Variants in RPS6KC1 observed in about 807,000 individuals in gnomAD.
The protein encoded by RPS6KC1 is ribosomal protein S6 kinase C1.
RPS6KC1 carries 54 observed loss-of-function variants against 103.8 expected under a neutral mutation model. The observed-to-expected ratio is 0.52, with a 90% CI of 0.42 to 0.65. The LOEUF is 0.65. RPS6KC1 is among the 30% of genes least tolerant of loss of function. The pLI is 0.00. For synonymous variants in RPS6KC1, 439 were observed against 438.7 expected (o/e 1.00, Z -0.01); for missense variants, 1,151 against 1,253.8 (o/e 0.92, Z 1.24).
chr1:213,436,285 G>T, the RPS6KC1 span, among the ~76,000 whole-genome samples: 10 of 152,172 alleles, frequency 6.6e-5, no homozygotes, highest in Non-Finnish European at 1.2e-4. Context: ...GTGTTCAATA[G>T]CTATATGTGG....
chr1:213,541,677 A>G, the RPS6KC1 span, among the ~76,000 whole-genome samples: 11 of 152,208 alleles, frequency 7.2e-5, no homozygotes, highest in Non-Finnish European at 1.6e-4. Flanking sequence ...ACAGAGCCAA[A>G]TAAGATAAAG....
the RPS6KC1 span, among the ~76,000 whole-genome samples, chr1:213,830,728 G>A: frequency 6.6e-6 from 1 of 150,448 alleles, no homozygotes; most frequent in African/African-American, 2.4e-5. Context: ...TCAGCCTCAC[G>A]GGTCAACCTG....
the RPS6KC1 span, among the ~76,000 whole-genome samples, chr1:213,749,662 C>G: frequency 1.3e-5 from 2 of 152,176 alleles, no homozygotes; most frequent in Non-Finnish European, 2.9e-5. Context: ...TCCCACCTCC[C>G]CCACCTCCCA....
the RPS6KC1 span, among the ~76,000 whole-genome samples, chr1:213,798,207 G>A: frequency 2.6e-5 from 4 of 152,204 alleles, no homozygotes; most frequent in South Asian, 2.1e-4. Context: ...ATAAAAGTAC[G>A]GATGTGCAGC....
intron 8 of RPS6KC1, among the ~76,000 whole-genome samples, chr1:213,196,413 GT>G (rs1485882967): frequency 3.9e-5 from 6 of 151,978 alleles, no homozygotes; most frequent in Non-Finnish European, 8.8e-5. Context: ...TTGCAGATAT[GT>G]TTTCCCCCTC....
chr1:213,363,714 CT>C, the RPS6KC1 span, among the ~76,000 whole-genome samples: 182 of 111,276 alleles, frequency 1.6e-3, 22 homozygotes, highest in African/African-American at 4.6e-3. Context: ...TTCTTTCTTT[CT>C]TTCTTTCTTT....
chr1:213,428,515 TTC>T, the RPS6KC1 span, among the ~76,000 whole-genome samples: 17 of 57,786 alleles, frequency 2.9e-4, no homozygotes, highest in Non-Finnish European at 5.1e-4. Context: ...CCTTCCTTCC[TTC>T]CTCTTTCTCT....
chr1:213,603,511 T>A, the RPS6KC1 span, among the ~76,000 whole-genome samples: 2 of 152,194 alleles, frequency 1.3e-5, no homozygotes, highest in African/African-American at 4.8e-5. Flanking sequence ...ATGTTATACC[T>A]AACATCCAAG....
the RPS6KC1 span, among the ~76,000 whole-genome samples, chr1:213,355,002 A>G: frequency 6.6e-6 from 1 of 152,066 alleles, no homozygotes; most frequent in Non-Finnish European, 1.5e-5. Flanking sequence ...CGGATCACCT[A>G]AGGTCAGGAG....
At chr1:213,347,213 T>A in the RPS6KC1 span, among the ~76,000 whole-genome samples, 596 of 152,260 alleles carry the variant, frequency 3.9e-3, 2 homozygotes, top group African/African-American at 0.014. Context: ...AAACAGGTGG[T>A]GAAAATGAAA....
intron 8 of RPS6KC1, among the ~76,000 whole-genome samples, chr1:213,203,908 C>T (rs1334386120): frequency 6.6e-6 from 1 of 152,178 alleles, no homozygotes; most frequent in Non-Finnish European, 1.5e-5. Context: ...TTCTACCTTT[C>T]CCATCCCGGA....
chr1:213,532,692 G>C, the RPS6KC1 span, among the ~76,000 whole-genome samples: 1 of 152,238 alleles, frequency 6.6e-6, no homozygotes, highest in Non-Finnish European at 1.5e-5. Context: ...GGTAACACAA[G>C]TGAGCAGTTA....
chr1:213,599,927 C>T, the RPS6KC1 span, among the ~76,000 whole-genome samples: 4 of 152,136 alleles, frequency 2.6e-5, no homozygotes, highest in African/African-American at 9.7e-5. Context: ...AATCAAATCT[C>T]ACCTCGAATT....
At chr1:213,598,463 T>C in the RPS6KC1 span, among the ~76,000 whole-genome samples, 2 of 152,266 alleles carry the variant, frequency 1.3e-5, no homozygotes, top group Admixed American at 1.3e-4. Flanking sequence ...TTCCTCTCTT[T>C]GGGGCCTCAG....
At chr1:213,178,457 C>T (rs2092037363) in intron 8 of RPS6KC1, among the ~76,000 whole-genome samples, 1 of 151,794 alleles carries the variant, frequency 6.6e-6, no homozygotes, top group South Asian at 2.1e-4. Flanking sequence ...AGGAGAATCA[C>T]TTGAACCTGG....
intron 6 of RPS6KC1, among the ~76,000 whole-genome samples, chr1:213,143,622 C>G (rs1369554121): frequency 2.0e-5 from 3 of 151,894 alleles, no homozygotes; most frequent in African/African-American, 7.2e-5. Flanking sequence ...TTTGATATGT[C>G]AAACCTTAGT....
the RPS6KC1 span, among the ~76,000 whole-genome samples, chr1:213,785,042 TG>T: frequency 1.3e-5 from 2 of 152,216 alleles, no homozygotes; most frequent in Non-Finnish European, 2.9e-5. Context: ...ATTTCATCTG[TG>T]CCTTGCTCTG....
chr1:213,784,878 C>G, the RPS6KC1 span, among the ~76,000 whole-genome samples: 1 of 152,140 alleles, frequency 6.6e-6, no homozygotes, highest in Non-Finnish European at 1.5e-5. Flanking sequence ...TGATGAGTTT[C>G]CTACATCCTC....
At chr1:213,263,095 A>G (rs2094837116) in intron 14 of RPS6KC1, among the ~76,000 whole-genome samples, 1 of 152,072 alleles carries the variant, frequency 6.6e-6, no homozygotes, top group African/African-American at 2.4e-5. Context: ...CTGTGATTTG[A>G]GTATTGCTTT....
Sources: gnomAD v4.1 joint callset for allele counts (sites outside exome capture counted in the v4.1 genomes callset) on GRCh38, gnomAD v4.1.1 for gene constraint, MANE v1.5 for transcripts, NCBI Gene and HGNC (gene_info 2026-07-23, HGNC 2026-07-21) for gene names.